SEMA4A: variants seen among roughly 807,000 people sequenced by gnomAD.
The protein encoded by SEMA4A is semaphorin-4A.
SEMA4A carries 52 observed loss-of-function variants against 72.5 expected under a neutral mutation model. That is an observed-to-expected ratio of 0.72 (90% CI 0.57 to 0.90). The LOEUF (loss-of-function observed/expected upper bound fraction) is 0.90, where lower values mean the gene tolerates loss of function less well. SEMA4A is among the 40% of genes least tolerant of loss of function. The probability of loss-of-function intolerance (pLI) is 0.00; values close to 1 mark genes in which losing one functional copy is unlikely to be tolerated. For synonymous variants in SEMA4A, 369 were observed against 393.1 expected, an observed-to-expected ratio of 0.94 and a Z score of 0.73; for missense variants, 926 against 959.7, an observed-to-expected ratio of 0.96 and a Z score of 0.46.
chr1:156,156,233 A>G (rs1653008520), intron 2 of SEMA4A, 181 bp from the exon 3 acceptor site: 19 of 664,484 alleles, frequency 2.9e-5, no homozygotes, highest in Admixed American at 2.5e-4. Flanking sequence ...GGCTCAGCAC[A>G]CAACGCTCTT....
upstream of SEMA4A, among the ~76,000 whole-genome samples, chr1:156,151,473 C>T (rs537783606): frequency 3.9e-5 from 6 of 152,304 alleles, 1 homozygote; most frequent in South Asian, 1.2e-3. Context: ...ACCTCACAGC[C>T]TTCCTTCAAG....
intron 3 of SEMA4A, 137 bp downstream of exon 3, chr1:156,156,711 G>T: frequency 1.2e-6 from 1 of 813,612 alleles, no homozygotes. Flanking sequence ...TGTATATCGT[G>T]ACAATATAAC....
rs1652828111 is a variant in SEMA4A, at chr1:156,154,587, C to T, written c.9C>T (p.Leu3=). ...ACAGTCTGTGGCTGAGCATGGCCCT[C>T]CCAGCCCTGGGCCTGGACCCCTGGA... MA[L]PALGLDPWSL... Residue 3 remains leucine (L), a synonymous_variant, in exon 2 of 15, where the codon CTC becomes CTT. Coordinates refer to ENST00000368285, the MANE Select transcript of SEMA4A (RefSeq NM_022367.4). 1 of 1,610,290 alleles carries T rather than the reference C, an allele frequency of 6.2e-7. No homozygotes were observed. The highest frequency in any genetic ancestry group is 1.3e-5 in the African/African-American group (1 of 74,910).
chr1:156,167,717 G>A (rs540174496), intron 10 of SEMA4A, among the ~76,000 whole-genome samples: 3 of 152,216 alleles, frequency 2.0e-5, no homozygotes, highest in Admixed American at 6.5e-5. Flanking sequence ...TTACTTCATC[G>A]TGGTTGTGTG....
At chr1:156,167,836 T>C (rs1387992303) in intron 10 of SEMA4A, among the ~76,000 whole-genome samples, 1 of 152,250 alleles carries the variant, frequency 6.6e-6, no homozygotes, top group Non-Finnish European at 1.5e-5. Context: ...TTTTCACATA[T>C]CTCTCATAGG....
intron 11 of SEMA4A, among the ~76,000 whole-genome samples, chr1:156,173,649 A>G (rs1655023613): frequency 2.0e-5 from 3 of 152,112 alleles, no homozygotes; most frequent in South Asian, 4.1e-4. Flanking sequence ...GTGAAGCTGT[A>G]GCAGCGGGGT....
chr1:156,156,716 T>C (rs1653068990), intron 3 of SEMA4A, 142 bp downstream of exon 3: 1 of 777,294 alleles, frequency 1.3e-6, no homozygotes, highest in East Asian at 2.8e-5. Context: ...ATCGTGACAA[T>C]ATAACAGACA....
In SEMA4A at chr1:156,174,918, A is replaced by T. The variant is rs766787575; in HGVS notation, c.1412A>T (p.Asn471Ile). 1.1e-5 allele frequency: 18 copies of T among 1,614,152 alleles called. No individual in the cohort carries two copies. Among genetic ancestry groups the T allele is most frequent in the Non-Finnish European group, 1.4e-5 (17 of 1,180,006 alleles). Reference protein sequence around the residue: ...QLFPDPEPVRNLQLAPTQGAV... With the variant: ...QLFPDPEPVRILQLAPTQGAV... ...TTCCCTGACCCTGAACCTGTTCGCA[A>T]CCTGCAGCTGGCCCCCACCCAGGTG... Residue 471 changes from asparagine to isoleucine, a missense_variant, in exon 12 of 15, where the codon AAC becomes ATC. By Grantham distance (149) the Asn-to-Ile change is moderately radical. Transcript: ENST00000368285.
intron 10 of SEMA4A, among the ~76,000 whole-genome samples, chr1:156,163,832 T>C (rs1269593606): frequency 6.7e-6 from 1 of 149,958 alleles, no homozygotes; most frequent in Admixed American, 6.7e-5. Flanking sequence ...AGGCCAGGAG[T>C]TTGAGACCAG....
chr1:156,175,303 T>C (rs1655209336), intron 13 of SEMA4A, 60 bp downstream of exon 13: 1 of 1,542,822 alleles, frequency 6.5e-7, no homozygotes, highest in Non-Finnish European at 8.8e-7. Context: ...TCAGCCAGCT[T>C]CTGCTACTGT....
chr1:156,150,897 GC>G (rs1446814678), upstream of SEMA4A, among the ~76,000 whole-genome samples: 1 of 152,130 alleles, frequency 6.6e-6, no homozygotes, highest in Non-Finnish European at 1.5e-5. Context: ...GGGCTCCAGG[GC>G]TTGTGGAGAA....
At chr1:156,161,855 A>G (rs906168112) in intron 9 of SEMA4A, among the ~76,000 whole-genome samples, 1 of 152,236 alleles carries the variant, frequency 6.6e-6, no homozygotes, top group Non-Finnish European at 1.5e-5. Flanking sequence ...AGGCCAACAC[A>G]CTACAAATGC....
At position 156,161,328 on chromosome 1, in the gene SEMA4A, C is replaced by A; in HGVS notation, c.811-18C>A. 10 of 1,601,352 alleles carry A rather than the reference C, an allele frequency of 6.2e-6. No individual in the cohort carries two copies. Among genetic ancestry groups the A allele is most frequent in the South Asian group, 3.3e-5 (3 of 90,222 alleles). On this transcript the variant is annotated intron_variant, in intron 8 of 14. Coordinates refer to ENST00000368285, the MANE Select transcript of SEMA4A (RefSeq NM_022367.4). ...TCGGGGCGCCCGGGGCGCCCCCTGACTCCCCCTGTGCCCCCAGAATGACGT... is the reference window on the plus strand; with the variant it reads ...TCGGGGCGCCCGGGGCGCCCCCTGAATCCCCCTGTGCCCCCAGAATGACGT...
At chr1:156,151,287 G>T (rs1247537543), upstream of SEMA4A, among the ~76,000 whole-genome samples, 3 of 152,226 alleles carry the variant, frequency 2.0e-5, no homozygotes, top group Non-Finnish European at 4.4e-5. Context: ...GGCTGCACAG[G>T]TCTCGTGCCC....
chr1:156,163,378 A>G (rs1298236784), intron 10 of SEMA4A: 2 of 452,290 alleles, frequency 4.4e-6, no homozygotes, highest in African/African-American at 4.0e-5. Flanking sequence ...GCTGTGTGCC[A>G]AGGACTGTCT....
intron 10 of SEMA4A, among the ~76,000 whole-genome samples, chr1:156,169,919 G>A (rs1654544285): frequency 6.6e-6 from 1 of 151,772 alleles, no homozygotes; most frequent in Admixed American, 6.6e-5. Context: ...CAGCTAGTTG[G>A]GAGACTGAGG....
intron 11 of SEMA4A, among the ~76,000 whole-genome samples, chr1:156,173,823 T>C (rs1239370376): frequency 6.6e-6 from 1 of 152,074 alleles, no homozygotes; most frequent in South Asian, 2.1e-4. Flanking sequence ...CAAATAGCCA[T>C]TGTGGGCTGG....
chr1:156,174,722 C>A (rs187074260), intron 11 of SEMA4A, 100 bp from the exon 12 acceptor site: 3 of 1,464,324 alleles, frequency 2.0e-6, no homozygotes, highest in Admixed American at 1.7e-5. Context: ...TACATATCAC[C>A]CTCAGAAGGA....
At chr1:156,158,006 G>A (rs759940577) in intron 3 of SEMA4A, 64 bp from the exon 4 acceptor site, 70 of 1,534,136 alleles carry the variant, frequency 4.6e-5, no homozygotes, top group Non-Finnish European at 6.2e-5. Context: ...AAGGGAGGCA[G>A]GTCACAGCTA....
Sources: gnomAD v4.1 joint callset for allele counts (sites outside exome capture counted in the v4.1 genomes callset) on GRCh38, gnomAD v4.1.1 for gene constraint, MANE v1.5 for transcripts, NCBI Gene and HGNC (gene_info 2026-07-23, HGNC 2026-07-21) for gene names.